The following PCDH7 variants were observed in gnomAD, a reference collection of about 807,000 sequenced individuals.
PCDH7 encodes protocadherin 7.
PCDH7 carries 17 observed loss-of-function variants against 58.9 expected under a neutral mutation model. The observed-to-expected ratio is 0.29, with a 90% CI of 0.20 to 0.43. The LOEUF is 0.43. Among genes scored for constraint, PCDH7 ranks in the 20% least tolerant of loss-of-function variants. The pLI, the probability that PCDH7 is intolerant of heterozygous loss-of-function variation, is 1.00. For synonymous variants in PCDH7, 664 were observed against 616.4 expected (o/e 1.08, Z -1.14); for missense variants, 1,274 against 1,441.0 (o/e 0.88, Z 1.88).
chr4:31,078,053 A>C (rs911832378), intron 3 of PCDH7, among the ~76,000 whole-genome samples: 84 of 152,136 alleles, frequency 5.5e-4, no homozygotes, highest in African/African-American at 2.0e-3. Flanking sequence ...TTTTACTTCT[A>C]TCTAACAAGG....
At chr4:30,832,263 A>G (rs1729901051) in intron 1 of PCDH7, among the ~76,000 whole-genome samples, 1 of 152,152 alleles carries the variant, frequency 6.6e-6, no homozygotes, top group Non-Finnish European at 1.5e-5. Context: ...TCACTTATCC[A>G]TTCACATGCA....
At chr4:30,810,459 G>T (rs184289686) in intron 1 of PCDH7, among the ~76,000 whole-genome samples, 1 of 151,236 alleles carries the variant, frequency 6.6e-6, no homozygotes, top group East Asian at 1.9e-4. Flanking sequence ...CTACTCATTG[G>T]AAATAAATGG....
intron 3 of PCDH7, among the ~76,000 whole-genome samples, chr4:30,966,683 A>G (rs1749024513): frequency 6.6e-6 from 1 of 152,154 alleles, no homozygotes; most frequent in African/African-American, 2.4e-5. Flanking sequence ...CAAAGGTTCC[A>G]TATTGTCAGT....
chr4:30,745,811 A>C (rs1445561857), intron 1 of PCDH7, among the ~76,000 whole-genome samples: 2 of 151,686 alleles, frequency 1.3e-5, no homozygotes, highest in Non-Finnish European at 2.9e-5. Context: ...TGCACATATA[A>C]TTTTTCTTCT....
At chr4:30,895,498 C>T (rs1368086224) in intron 1 of PCDH7, among the ~76,000 whole-genome samples, 2 of 152,114 alleles carry the variant, frequency 1.3e-5, no homozygotes, top group African/African-American at 4.8e-5. Flanking sequence ...GTTTGTCTCA[C>T]CATTGCCCCT....
intron 3 of PCDH7, among the ~76,000 whole-genome samples, chr4:31,107,948 A>C (rs966427805): frequency 2.6e-5 from 4 of 152,144 alleles, no homozygotes; most frequent in African/African-American, 9.7e-5. Context: ...CTTAAGGGGC[A>C]GCCAAAAATA....
At chr4:30,962,154 A>G (rs1238659240) in intron 3 of PCDH7, among the ~76,000 whole-genome samples, 3 of 152,182 alleles carry the variant, frequency 2.0e-5, no homozygotes, top group African/African-American at 7.2e-5. Flanking sequence ...ACACTGTTTG[A>G]ATTGAATTCT....
At chr4:30,972,651 A>G (rs1383512716) in intron 3 of PCDH7, among the ~76,000 whole-genome samples, 1 of 152,116 alleles carries the variant, frequency 6.6e-6, no homozygotes, top group African/African-American at 2.4e-5. Context: ...TATCTCTAAA[A>G]CTCAGTTACA....
At chr4:30,838,996 G>T (rs1472473762) in intron 1 of PCDH7, among the ~76,000 whole-genome samples, 10 of 151,782 alleles carry the variant, frequency 6.6e-5, no homozygotes. Flanking sequence ...ACATTAGTAG[G>T]CAGAGACTGA....
At chr4:30,892,460 A>G (rs1738747157) in intron 1 of PCDH7, among the ~76,000 whole-genome samples, 2 of 152,060 alleles carry the variant, frequency 1.3e-5, no homozygotes, top group African/African-American at 4.8e-5. Flanking sequence ...TCTTAAATTA[A>G]CTGAGAAGGC....
At chr4:30,914,596 T>G (rs1742182804) in intron 1 of PCDH7, among the ~76,000 whole-genome samples, 1 of 152,216 alleles carries the variant, frequency 6.6e-6, no homozygotes, top group Admixed American at 6.5e-5. Context: ...TTTTTGTGGA[T>G]TTTAGAAATT....
chr4:30,997,480 T>G (rs1752003975), intron 3 of PCDH7, among the ~76,000 whole-genome samples: 1 of 152,122 alleles, frequency 6.6e-6, no homozygotes, highest in Non-Finnish European at 1.5e-5. Context: ...GGTAGTAAAT[T>G]TTGAATTTTC....
exon 2 of PCDH7, chr4:30,920,203 T>C: frequency 7.3e-7 from 1 of 1,367,770 alleles, no homozygotes; most frequent in Non-Finnish European, 9.8e-7. Context: ...AGGACCCACA[T>C]CAGGGGTCAC....
chr4:30,768,538 T>C (rs1721022503), intron 1 of PCDH7, among the ~76,000 whole-genome samples: 1 of 152,218 alleles, frequency 6.6e-6, no homozygotes, highest in Non-Finnish European at 1.5e-5. Flanking sequence ...CCCCTGTGAT[T>C]CAGTCCTGCT....
rs922527455 is a variant in PCDH7 at position 31,074,975 on chromosome 4, T to C, written c.*8-67498T>C. Among the ~76,000 whole-genome samples, 8 of 152,062 alleles carry C rather than the reference T, an allele frequency of 5.3e-5. No homozygotes were observed. In the East Asian group the frequency reaches 1.4e-3, roughly 26 times the overall value. On this transcript the variant is annotated intron_variant, in intron 3 of 3. Coordinates refer to the PCDH7 transcript ENST00000509759. Reference sequence around the variant, plus strand: ...TAGTATATAATCAACCATGTCCTTCTAATCTACAAAGTACTTATTAAGGCT... The same window carrying C: ...TAGTATATAATCAACCATGTCCTTCCAATCTACAAAGTACTTATTAAGGCT...
chr4:30,798,999 A>T (rs944337443), intron 1 of PCDH7, among the ~76,000 whole-genome samples: 1 of 152,238 alleles, frequency 6.6e-6, no homozygotes, highest in Non-Finnish European at 1.5e-5. Flanking sequence ...TTTGAAAAAA[A>T]TATAAAACAA....
intron 3 of PCDH7, among the ~76,000 whole-genome samples, chr4:31,140,564 A>G (rs1386248426): frequency 2.0e-5 from 3 of 150,780 alleles, no homozygotes; most frequent in Non-Finnish European, 4.4e-5. Context: ...TACACTTTGC[A>G]TTTCTATCCT....
rs777671680 is a variant in PCDH7 at position 30,723,948 on chromosome 4, T to C, written c.2526T>C (p.Ser842=). The C allele has an allele frequency of 2.5e-6, 4 of 1,614,000 alleles. No homozygotes were observed. The highest frequency in any genetic ancestry group is 2.2e-5 in the East Asian group (1 of 44,894). ...TGGTGCACGTGTTTGTCAATGAAAGTGTTTCTAATGCAACTGCGATTGACT... is the reference window on the plus strand; with the variant it reads ...TGGTGCACGTGTTTGTCAATGAAAGCGTTTCTAATGCAACTGCGATTGACT... The change falls in exon 1 of 2, where the codon AGT becomes AGC. Residue 842 remains serine, a synonymous_variant. Transcript: ENST00000361762. The surrounding 1 kb of genome is among the most constrained non-coding windows in gnomAD (Gnocchi z 4.6).
In PCDH7 at chr4:30,789,785, T is replaced by C. The variant is rs1349570312; in HGVS notation, c.70+65189T>C. Reference sequence around the variant, plus strand: ...ATAAGGAAATCTAATTTTGTCCCATTAATTCCTTATTTTCCTTAGAAGATT... The same window carrying C: ...ATAAGGAAATCTAATTTTGTCCCATCAATTCCTTATTTTCCTTAGAAGATT... On this transcript the variant is annotated intron_variant, in intron 1 of 3. Transcript: ENST00000509759. Among the ~76,000 whole-genome samples, 6 of 152,196 alleles carry C rather than the reference T, an allele frequency of 3.9e-5. No homozygotes were observed. The East Asian group carries it at 1.2e-3, about 29-fold the overall frequency.
Sources: gnomAD v4.1 joint callset for allele counts (sites outside exome capture counted in the v4.1 genomes callset) on GRCh38, gnomAD v4.1.1 for gene constraint, Gnocchi (gnomAD v3.1) non-coding constraint, MANE v1.5 for transcripts, NCBI Gene and HGNC (gene_info 2026-07-23, HGNC 2026-07-21) for gene names.